Variants in MAD1L1 observed in about 807,000 individuals in gnomAD.
MAD1L1 encodes mitotic arrest deficient 1 like 1.
Under a neutral mutation model 96.9 loss-of-function variants are expected in MAD1L1, and 95 were observed. The observed-to-expected ratio is 0.98, with a 90% CI of 0.83 to 1.16. The LOEUF (loss-of-function observed/expected upper bound fraction) is 1.16, where lower values mean the gene tolerates loss of function less well. MAD1L1 is among the 50% of genes most tolerant of loss of function. The pLI, the probability that MAD1L1 is intolerant of heterozygous loss-of-function variation, is 0.00. For synonymous variants in MAD1L1, 473 were observed against 396.6 expected, an observed-to-expected ratio of 1.19 and a Z score of -2.29; for missense variants, 1,007 against 954.4, an observed-to-expected ratio of 1.06 and a Z score of -0.73.
At chr7:2,171,013 A>G (rs1047776137) in intron 10 of MAD1L1, among the ~76,000 whole-genome samples, 1 of 152,236 alleles carries the variant, frequency 6.6e-6, no homozygotes, top group Non-Finnish European at 1.5e-5. Flanking sequence ...CAAAGAGCAC[A>G]GTTGGAACAC....
intron 18 of MAD1L1, among the ~76,000 whole-genome samples, chr7:1,896,899 C>T (rs571529925): frequency 6.6e-6 from 1 of 152,330 alleles, no homozygotes; most frequent in African/African-American, 2.4e-5. Flanking sequence ...CTATGGAATT[C>T]GTATAATGCA....
At chr7:1,860,283 G>A (rs1784474706) in intron 18 of MAD1L1, among the ~76,000 whole-genome samples, 1 of 146,132 alleles carries the variant, frequency 6.8e-6, no homozygotes, top group African/African-American at 2.5e-5. Context: ...CATCCTGCGG[G>A]GCGGCCTCTG....
intron 15 of MAD1L1, among the ~76,000 whole-genome samples, chr7:1,960,502 A>G (rs1466204345): frequency 6.6e-6 from 1 of 152,258 alleles, no homozygotes; most frequent in Non-Finnish European, 1.5e-5. Flanking sequence ...AGAGAAAGCC[A>G]GAGACGCTAC....
Position 2,088,579 on chromosome 7 carries a change from C to T in MAD1L1, c.1074-19241G>A, listed in dbSNP as rs1026867714. Among the ~76,000 whole-genome samples, 8 of 152,182 alleles carry T rather than the reference C, an allele frequency of 5.3e-5. No homozygotes were observed. Among genetic ancestry groups the T allele is most frequent in the East Asian group, 1.9e-4 (1 of 5,186 alleles). On this transcript the variant is annotated intron_variant, in intron 11 of 18. Coordinates refer to ENST00000265854, the MANE Select transcript of MAD1L1 (RefSeq NM_001013836.2). This position sits in a 1 kb window ranked among gnomAD's most constrained non-coding sequence, Gnocchi z 4.4. ...CCCTGGGAGGCCGGGGAGATCAGGA[C>T]GGTGTGGCACAGCCTGGGGCACTCC... is the stretch of plus-strand genomic sequence containing the variant.
chr7:2,018,846 G>A (rs1434340264), intron 12 of MAD1L1, among the ~76,000 whole-genome samples: 1 of 140,616 alleles, frequency 7.1e-6, no homozygotes, highest in African/African-American at 2.6e-5. Context: ...GCCCAAGGCC[G>A]AGGCCCACTC....
chr7:2,101,279 G>A (rs1249066794), intron 11 of MAD1L1, among the ~76,000 whole-genome samples: 1 of 114,434 alleles, frequency 8.7e-6, no homozygotes, highest in Non-Finnish European at 2.0e-5. Flanking sequence ...CGAGACTGGG[G>A]CTCCACTCCT....
chr7:1,927,318 C>T (rs775430876), intron 17 of MAD1L1, among the ~76,000 whole-genome samples: 2 of 152,214 alleles, frequency 1.3e-5, no homozygotes, highest in Non-Finnish European at 2.9e-5. Context: ...CCCAGACTGA[C>T]TGACAGATGC....
At chr7:2,179,179 G>A (rs1618925) in intron 10 of MAD1L1, among the ~76,000 whole-genome samples, 5,853 of 152,168 alleles carry the variant, frequency 0.038, 270 homozygotes, top group African/African-American at 0.11. Context: ...GTGCGCCTGG[G>A]GCATTTTAAC....
intron 18 of MAD1L1, among the ~76,000 whole-genome samples, chr7:1,875,883 GTGGGTCC>G (rs1785361368): frequency 6.6e-6 from 1 of 152,210 alleles, no homozygotes; most frequent in Non-Finnish European, 1.5e-5. Context: ...GGTCATAAGG[GTGGGTCC>G]TGATCCAGCA....
chr7:2,226,709 G>T (rs1793918532), intron 3 of MAD1L1, among the ~76,000 whole-genome samples: 2 of 152,236 alleles, frequency 1.3e-5, no homozygotes, highest in South Asian at 4.1e-4. Flanking sequence ...TTCTCTTTAG[G>T]TTGGGTGTGG....
At position 2,114,295 on chromosome 7, in the gene MAD1L1, G is replaced by A. The variant is rs1017509021; in HGVS notation, c.1073+34857C>T. 6.6e-6 allele frequency among the ~76,000 whole-genome samples: 1 copy of A among 152,176 alleles called. No individual in the cohort carries two copies. Among genetic ancestry groups the A allele is most frequent in the African/African-American group, 2.4e-5 (1 of 41,424 alleles). ...CCCAAAGGCCATCTCAACACACCTC[G>A]GGCGGGAGAGCCCTGAGCCAGCCCA... On this transcript the variant is annotated intron_variant, in intron 11 of 18. Coordinates refer to ENST00000265854, the MANE Select transcript of MAD1L1 (RefSeq NM_001013836.2). This position sits in a 1 kb window ranked among gnomAD's most constrained non-coding sequence, Gnocchi z 4.2.
chr7:2,078,058 G>T (rs573178786), intron 11 of MAD1L1, among the ~76,000 whole-genome samples: 2 of 152,274 alleles, frequency 1.3e-5, no homozygotes, highest in Admixed American at 6.5e-5. Flanking sequence ...GGAACACCGG[G>T]GAAGGGCCCC....
At chr7:1,861,914 T>C (rs1562467233) in intron 18 of MAD1L1, among the ~76,000 whole-genome samples, 1 of 151,756 alleles carries the variant, frequency 6.6e-6, no homozygotes, top group Non-Finnish European at 1.5e-5. Context: ...TGCCCCCTGG[T>C]TGGAGGGACT....
chr7:2,014,211 T>C (rs1782427376), intron 13 of MAD1L1, among the ~76,000 whole-genome samples: 1 of 152,166 alleles, frequency 6.6e-6, no homozygotes, highest in African/African-American at 2.4e-5. Context: ...GCAGGCATCA[T>C]GAGGCGGTCC....
chr7:2,013,966 T>A (rs1200550888), intron 13 of MAD1L1, among the ~76,000 whole-genome samples: 5 of 152,198 alleles, frequency 3.3e-5, no homozygotes. Flanking sequence ...CCACCTCTCC[T>A]GGGAGAACCC....
intron 12 of MAD1L1, among the ~76,000 whole-genome samples, chr7:2,055,131 A>T (rs896637214): frequency 5.9e-5 from 9 of 152,226 alleles, no homozygotes; most frequent in Non-Finnish European, 5.9e-5. Flanking sequence ...CTAGGCAGGC[A>T]GCACAGCGAG....
In MAD1L1 at chr7:2,002,064, C is replaced by G; in HGVS notation, c.1416+1G>C. On this transcript the variant is annotated splice_donor_variant, in intron 14 of 18. Coordinates refer to ENST00000265854, the MANE Select transcript of MAD1L1 (RefSeq NM_001013836.2). LOFTEE classifies it high-confidence loss of function. ...CCCAGCCACTCCCGCGTCTGACTCACCATGTCTGCTCTTTGTTTCTGGCCT... is the reference window on the plus strand; with the variant it reads ...CCCAGCCACTCCCGCGTCTGACTCAGCATGTCTGCTCTTTGTTTCTGGCCT... The G allele has an allele frequency of 6.2e-7, 1 of 1,613,292 alleles. No individual in the cohort carries two copies. Among genetic ancestry groups the G allele is most frequent in the Non-Finnish European group, 8.5e-7 (1 of 1,180,000 alleles).
chr7:2,017,546 G>A (rs62444884), intron 12 of MAD1L1, among the ~76,000 whole-genome samples: 5 of 152,158 alleles, frequency 3.3e-5, no homozygotes, highest in African/African-American at 7.2e-5. Flanking sequence ...TGCGATAGTC[G>A]GGCAGAGGGG....
intron 11 of MAD1L1, among the ~76,000 whole-genome samples, chr7:2,072,876 C>T (rs1562659889): frequency 6.6e-6 from 1 of 152,222 alleles, no homozygotes; most frequent in African/African-American, 2.4e-5. Context: ...GGTGCGCTCA[C>T]ATCTGTGTGG....
Sources: gnomAD v4.1 joint callset for allele counts (sites outside exome capture counted in the v4.1 genomes callset) on GRCh38, gnomAD v4.1.1 for gene constraint, Gnocchi (gnomAD v3.1) non-coding constraint, MANE v1.5 for transcripts, NCBI Gene and HGNC (gene_info 2026-07-23, HGNC 2026-07-21) for gene names.